Variants in E2F3 observed in about 807,000 individuals in gnomAD.
The protein encoded by E2F3 is E2F transcription factor 3.
Under a neutral mutation model 44.4 loss-of-function variants are expected in E2F3, and 11 were observed. That is an observed-to-expected ratio of 0.25 (90% CI 0.16 to 0.41). The LOEUF (loss-of-function observed/expected upper bound fraction) is 0.41. Among genes scored for constraint, E2F3 ranks in the 10% least tolerant of loss-of-function variants. The probability of loss-of-function intolerance (pLI) is 1.00; values close to 1 mark genes in which losing one functional copy is unlikely to be tolerated. For synonymous variants in E2F3, 249 were observed against 253.0 expected, an observed-to-expected ratio of 0.98 and a Z score of 0.15; for missense variants, 487 against 583.6, an observed-to-expected ratio of 0.83 and a Z score of 1.70.
intron 4 of E2F3, among the ~76,000 whole-genome samples, chr6:20,484,097 T>A (rs1762315702): frequency 6.6e-6 from 1 of 152,076 alleles, no homozygotes; most frequent in African/African-American, 2.4e-5. Context: ...GGAGCCCCAT[T>A]GTGGAAGAGA....
Position 20,413,113 on chromosome 6 carries a change from A to G in E2F3, c.393+10488A>G, listed in dbSNP as rs922372959. Among the ~76,000 whole-genome samples the G allele has an allele frequency of 3.9e-5, 6 of 152,236 alleles. No individual in the cohort carries two copies. The East Asian group carries it at 1.2e-3, about 29-fold the overall frequency. On this transcript the variant is annotated intron_variant, in intron 1 of 6. Coordinates refer to ENST00000346618, the MANE Select transcript of E2F3 (RefSeq NM_001949.5). ...AATTAAACCCAAGGAGCCTGGCTCC[A>G]TAGTCTCAGCTTATTCCTAGTATTT...
rs981823470 is a variant in E2F3, at chr6:20,418,916, G to A, written c.393+16291G>A. On this transcript the variant is annotated intron_variant, in intron 1 of 6. Transcript: ENST00000346618. The stretch of plus-strand genomic sequence containing the variant: ...TTTAAAATAAAAAATATATAAGGAA[G>A]TGGAGTGAAAATGAAAATACTTTCT... Among the ~76,000 whole-genome samples the A allele has an allele frequency of 7.9e-5, 12 of 151,998 alleles. 1 individual carries two copies. The highest frequency in any genetic ancestry group is 2.9e-4 in the African/African-American group (12 of 41,480).
chr6:20,456,196 C>A (rs1384303018), intron 1 of E2F3, among the ~76,000 whole-genome samples: 1 of 151,788 alleles, frequency 6.6e-6, no homozygotes, highest in Non-Finnish European at 1.5e-5. Context: ...GGCCTTCAAG[C>A]CCTAGAAAGT....
chr6:20,424,715 A>G (rs1394191979), intron 1 of E2F3, among the ~76,000 whole-genome samples: 2 of 152,008 alleles, frequency 1.3e-5, no homozygotes, highest in Non-Finnish European at 2.9e-5. Flanking sequence ...CTCTGCACTT[A>G]TTAGATAGTC....
chr6:20,411,748 G>A (rs1408756969), intron 1 of E2F3, among the ~76,000 whole-genome samples: 3 of 152,166 alleles, frequency 2.0e-5, no homozygotes, highest in African/African-American at 7.2e-5. Flanking sequence ...GAAGGCGTAG[G>A]CACAGCCTCC....
At chr6:20,427,158 T>G (rs537950809) in intron 1 of E2F3, among the ~76,000 whole-genome samples, 2 of 152,352 alleles carry the variant, frequency 1.3e-5, no homozygotes, top group South Asian at 4.1e-4. Context: ...CCTGCCTGCC[T>G]TCCCTGGGCA....
At chr6:20,479,169 T>C (rs1183062747) in intron 1 of E2F3, among the ~76,000 whole-genome samples, 1 of 152,196 alleles carries the variant, frequency 6.6e-6, no homozygotes, top group African/African-American at 2.4e-5. Context: ...TTTGCAGTAT[T>C]TGTTTTCCCG....
At chr6:20,424,097 T>C (rs1444838064) in intron 1 of E2F3, among the ~76,000 whole-genome samples, 1 of 152,192 alleles carries the variant, frequency 6.6e-6, no homozygotes, top group Non-Finnish European at 1.5e-5. Flanking sequence ...AGTTTGAGTT[T>C]GGTGGCTTGC....
intron 1 of E2F3, among the ~76,000 whole-genome samples, chr6:20,460,855 G>T (rs1450991098): frequency 1.3e-5 from 2 of 151,726 alleles, no homozygotes; most frequent in African/African-American, 4.8e-5. Context: ...AATTAGCTGG[G>T]TGTGGTGGTG....
rs1440328931 is a variant in E2F3 at position 20,402,720 on chromosome 6, C to T, written c.393+95C>T. The T allele has an allele frequency of 2.4e-6, 3 of 1,262,106 alleles. No individual in the cohort carries two copies. In the African/African-American group the frequency reaches 4.7e-5, roughly 20 times the overall value. 78.2% of individuals were successfully genotyped at this position (1,262,106 alleles called of 1,614,324 possible). A position where few individuals can be genotyped will look rare whatever the true frequency, so the allele number is the denominator to read the frequency against. On this transcript the variant is annotated intron_variant, in intron 1 of 6. Transcript: ENST00000346618. The surrounding 1 kb of genome is among the most constrained non-coding windows in gnomAD (Gnocchi z 5.6). ...CGCGCTGCGGGCCGCTCGGGGAGAG[C>T]ACTGGGCCGAGCATCGTGGGCCTCG... is the stretch of plus-strand genomic sequence containing the variant.
intron 1 of E2F3, among the ~76,000 whole-genome samples, chr6:20,463,700 T>G (rs1405816861): frequency 6.6e-6 from 1 of 152,146 alleles, no homozygotes; most frequent in African/African-American, 2.4e-5. Context: ...ATGTGCTGAG[T>G]CAGGGGGTAC....
intron 1 of E2F3, among the ~76,000 whole-genome samples, chr6:20,449,300 A>G (rs1393032975): frequency 1.3e-5 from 2 of 152,150 alleles, no homozygotes; most frequent in Non-Finnish European, 2.9e-5. Context: ...TTTATAGTTC[A>G]CCATATCCAT....
chr6:20,482,314 G>C (rs1762249968), intron 3 of E2F3, among the ~76,000 whole-genome samples: 1 of 142,980 alleles, frequency 7.0e-6, no homozygotes, highest in African/African-American at 2.6e-5. Flanking sequence ...CTGAGTTTTT[G>C]ATGCTTTTTT....
chr6:20,401,978 C>A lies in E2F3; in HGVS notation c.-255C>A. On this transcript the variant is annotated 5_prime_UTR_variant, in exon 1 of 7. Coordinates refer to ENST00000346618, the MANE Select transcript of E2F3 (RefSeq NM_001949.5). ...TCGCAATCCGTTGCATCGGCCGCCC[C>A]CGACGCCTCCATCCCCGCTTGGGGC... 2.1e-6 allele frequency: 1 copy of A among 471,836 alleles called. No individual in the cohort carries two copies. Among genetic ancestry groups the A allele is most frequent in the Non-Finnish European group, 3.4e-6 (1 of 292,530 alleles). 29.2% of individuals were successfully genotyped at this position (471,836 alleles called of 1,614,324 possible).
chr6:20,477,927 C>T (rs1762099255), intron 1 of E2F3, among the ~76,000 whole-genome samples: 1 of 151,986 alleles, frequency 6.6e-6, no homozygotes, highest in Admixed American at 6.6e-5. Context: ...TGCAGTGGCT[C>T]ACGGCTGTAA....
chr6:20,402,628 A>G lies in E2F3; in HGVS notation c.393+3A>G. ...GCGGCGGCGGCGGCGGCCCTCCGGT[A>G]ATACCCTCCCTCCCCACCGTCCCCA... On this transcript the variant is annotated splice_donor_region_variant and intron_variant, in intron 1 of 6. Coordinates refer to ENST00000346618, the MANE Select transcript of E2F3 (RefSeq NM_001949.5). The surrounding 1 kb of genome is among the most constrained non-coding windows in gnomAD (Gnocchi z 5.6). 7.5e-7 allele frequency: 1 copy of G among 1,331,844 alleles called. No individual in the cohort carries two copies. 82.5% of individuals were successfully genotyped at this position (1,331,844 alleles called of 1,614,324 possible).
chr6:20,434,176 C>T (rs1021309762), intron 1 of E2F3, among the ~76,000 whole-genome samples: 7 of 152,050 alleles, frequency 4.6e-5, no homozygotes, highest in African/African-American at 1.7e-4. Flanking sequence ...TTGGTTAAGA[C>T]CTTAATTAAA....
Position 20,486,690 on chromosome 6 carries a change from T to G in E2F3, c.886T>G (p.Leu296Val). The change falls in exon 5 of 7, where the codon TTA becomes GTA. Residue 296 changes from leucine to valine, a missense_variant and splice_region_variant. By Grantham distance (32) the Leu-to-Val change is conservative (BLOSUM62 1). Coordinates refer to ENST00000346618, the MANE Select transcript of E2F3 (RefSeq NM_001949.5). Reference sequence around the variant, plus strand: ...GGAAGATTCCTTGACACTCTTTACGTTAGCTTATGTTACATATCAAGATAT... The same window carrying G: ...GGAAGATTCCTTGACACTCTTTACGGTAGCTTATGTTACATATCAAGATAT... ...LLTEDSENQR[L>V]AYVTYQDIRK... is the part of the protein sequence containing the mutation. The G allele has an allele frequency of 6.5e-7, 1 of 1,545,084 alleles. No homozygotes were observed. Among genetic ancestry groups the G allele is most frequent in the Non-Finnish European group, 8.9e-7 (1 of 1,122,448 alleles).
At chr6:20,472,597 TTGAGGCTTCAG>T (rs926306454) in intron 1 of E2F3, among the ~76,000 whole-genome samples, 1 of 152,078 alleles carries the variant, frequency 6.6e-6, no homozygotes, top group African/African-American at 2.4e-5. Flanking sequence ...AGCCAGGAGT[TTGAGGCTTCAG>T]TGAACCATGA....
Sources: gnomAD v4.1 joint callset for allele counts (sites outside exome capture counted in the v4.1 genomes callset) on GRCh38, gnomAD v4.1.1 for gene constraint, Gnocchi (gnomAD v3.1) non-coding constraint, MANE v1.5 for transcripts, NCBI Gene and HGNC (gene_info 2026-07-23, HGNC 2026-07-21) for gene names.